The following KIF16B variants were observed in gnomAD, a reference collection of about 807,000 sequenced individuals.
The protein encoded by KIF16B is kinesin-like protein KIF16B.
In KIF16B, 98 loss-of-function variants were observed where a neutral mutation model predicts 156.3. The ratio of observed to expected loss-of-function variants is 0.63; its 90% confidence interval spans 0.53 to 0.74. KIF16B has a LOEUF of 0.74. Among genes scored for constraint, KIF16B ranks in the 30% least tolerant of loss-of-function variants. The pLI is 0.00. For synonymous variants in KIF16B, 564 were observed against 583.7 expected, an observed-to-expected ratio of 0.97 and a Z score of 0.49; for missense variants, 1,421 against 1,606.5, an observed-to-expected ratio of 0.88 and a Z score of 1.97.
chr20:16,504,006 C>A (rs1048561667), intron 10 of KIF16B, among the ~76,000 whole-genome samples: 9 of 152,146 alleles, frequency 5.9e-5, no homozygotes, highest in Non-Finnish European at 1.2e-4. Context: ...TGTTAAAACA[C>A]ATTTTAAAGT....
At chr20:16,327,978 A>G (rs1391845128) in intron 24 of KIF16B, among the ~76,000 whole-genome samples, 5 of 152,202 alleles carry the variant, frequency 3.3e-5, no homozygotes, top group African/African-American at 1.2e-4. Context: ...TAAAACTGTT[A>G]TAATGCATTT....
chr20:16,381,764 A>G lies in KIF16B; in HGVS notation c.1785-17T>C, dbSNP rs1201406691. 6.2e-7 allele frequency: 1 copy of G among 1,601,320 alleles called. No individual in the cohort carries two copies. The highest frequency in any genetic ancestry group is 1.1e-5 in the South Asian group (1 of 89,954). ...AATTCAAGTCTAATAAAATCAAATGAAAATGAGTCACTTTTCTAAAGAGCT... is the reference window on the plus strand; with the variant it reads ...AATTCAAGTCTAATAAAATCAAATGGAAATGAGTCACTTTTCTAAAGAGCT... On this transcript the variant is annotated splice_polypyrimidine_tract_variant and intron_variant, in intron 17 of 25. Coordinates refer to ENST00000354981, the MANE Select transcript of KIF16B (RefSeq NM_024704.5).
chr20:16,329,967 A>G (rs76790099), intron 24 of KIF16B, among the ~76,000 whole-genome samples: 186 of 152,308 alleles, frequency 1.2e-3, no homozygotes, highest in Admixed American at 1.4e-3. Flanking sequence ...GTCCTTCTTC[A>G]GTATTACAAA....
At chr20:16,546,661 T>TC (rs1396609948) in intron 1 of KIF16B, among the ~76,000 whole-genome samples, 1 of 152,194 alleles carries the variant, frequency 6.6e-6, no homozygotes, top group African/African-American at 2.4e-5. Flanking sequence ...GTAAAAATCT[T>TC]CAAAAGCTTT....
chr20:16,279,465 A>G (rs2063113632), intron 25 of KIF16B, among the ~76,000 whole-genome samples: 1 of 152,192 alleles, frequency 6.6e-6, no homozygotes, highest in Non-Finnish European at 1.5e-5. Context: ...CTGTGGTGAC[A>G]GTCATTTTCT....
At chr20:16,463,355 G>A (rs1568563385) in intron 12 of KIF16B, among the ~76,000 whole-genome samples, 1 of 152,136 alleles carries the variant, frequency 6.6e-6, no homozygotes, top group Non-Finnish European at 1.5e-5. Context: ...TTTCAAGATG[G>A]CAAAGTCACA....
intron 25 of KIF16B, among the ~76,000 whole-genome samples, chr20:16,288,249 T>G (rs1012553783): frequency 2.0e-5 from 3 of 152,224 alleles, no homozygotes; most frequent in Non-Finnish European, 4.4e-5. Flanking sequence ...GTAAGCCCCT[T>G]AACTCCTCTG....
At chr20:16,465,687 T>A (rs1227356991) in intron 12 of KIF16B, among the ~76,000 whole-genome samples, 1 of 152,224 alleles carries the variant, frequency 6.6e-6, no homozygotes, top group Non-Finnish European at 1.5e-5. Context: ...AACATTCATT[T>A]AATCATGCAT....
At chr20:16,386,572 T>C (rs536424307) in intron 17 of KIF16B, among the ~76,000 whole-genome samples, 5 of 151,698 alleles carry the variant, frequency 3.3e-5, no homozygotes, top group African/African-American at 1.2e-4. Context: ...TTTGGGAGAA[T>C]GGGTGCTCAT....
At chr20:16,302,113 G>A (rs1309445724) in intron 25 of KIF16B, among the ~76,000 whole-genome samples, 1 of 152,174 alleles carries the variant, frequency 6.6e-6, no homozygotes, top group Non-Finnish European at 1.5e-5. Context: ...CTTTTGCAGA[G>A]CAGAAGTTTT....
chr20:16,417,833 GA>G (rs1403977282), intron 15 of KIF16B, among the ~76,000 whole-genome samples: 2 of 151,604 alleles, frequency 1.3e-5, no homozygotes, highest in African/African-American at 4.8e-5. Flanking sequence ...GAAAAGCAAA[GA>G]AAAAAGAATT....
rs551991954 is a variant in KIF16B at position 16,370,178 on chromosome 20, C to G, written c.3498+408G>C. On this transcript the variant is annotated intron_variant, in intron 22 of 25. Transcript: ENST00000354981. ...AATAAACCTTGGTTTGACAATCCACCAGAGAAACAAGTTAATCAATCAAGA... is the reference window on the plus strand; with the variant it reads ...AATAAACCTTGGTTTGACAATCCACGAGAGAAACAAGTTAATCAATCAAGA... Among the ~76,000 whole-genome samples, 3 of 152,246 alleles carry G rather than the reference C, an allele frequency of 2.0e-5. No individual in the cohort carries two copies. In the East Asian group the frequency reaches 5.8e-4, roughly 29 times the overall value.
At chr20:16,411,269 T>C (rs1399941463) in intron 15 of KIF16B, among the ~76,000 whole-genome samples, 2 of 151,958 alleles carry the variant, frequency 1.3e-5, no homozygotes, top group Non-Finnish European at 1.5e-5. Flanking sequence ...TAATACACAA[T>C]TGAGATCTTC....
chr20:16,366,932 G>C, intron 22 of KIF16B: 1 of 1,248,164 alleles, frequency 8.0e-7, no homozygotes, highest in South Asian at 3.1e-5. Context: ...GCAAGGTGAT[G>C]ATAAAGATAT....
chr20:16,475,350 TCACCC>T (rs1433053654), intron 12 of KIF16B, among the ~76,000 whole-genome samples: 1 of 151,874 alleles, frequency 6.6e-6, no homozygotes, highest in Admixed American at 6.6e-5. Flanking sequence ...GGAGGTTAAG[TCACCC>T]AAGGTCATAC....
At chr20:16,465,672 T>C (rs2067470895) in intron 12 of KIF16B, among the ~76,000 whole-genome samples, 1 of 152,370 alleles carries the variant, frequency 6.6e-6, no homozygotes, top group Admixed American at 6.5e-5. Context: ...TTTACATATA[T>C]GCTTAACATT....
intron 17 of KIF16B, among the ~76,000 whole-genome samples, chr20:16,384,167 G>A (rs998078292): frequency 6.6e-6 from 1 of 152,172 alleles, no homozygotes; most frequent in Non-Finnish European, 1.5e-5. Flanking sequence ...AATATCTAAA[G>A]TGACATTTTA....
chr20:16,513,072 G>A, intron 4 of KIF16B, 149 bp from the exon 5 acceptor site: 1 of 599,402 alleles, frequency 1.7e-6, no homozygotes, highest in Non-Finnish European at 3.0e-6. Flanking sequence ...CCCCCTCCAG[G>A]GCTGCTTTCT....
intron 1 of KIF16B, among the ~76,000 whole-genome samples, chr20:16,551,861 A>C (rs561523036): frequency 6.6e-6 from 1 of 152,124 alleles, no homozygotes; most frequent in Non-Finnish European, 1.5e-5. Context: ...CAGCTACAGG[A>C]GGGCAAAGGA....
Sources: gnomAD v4.1 joint callset for allele counts (sites outside exome capture counted in the v4.1 genomes callset) on GRCh38, gnomAD v4.1.1 for gene constraint, MANE v1.5 for transcripts, NCBI Gene and HGNC (gene_info 2026-07-23, HGNC 2026-07-21) for gene names.